Variants in PTPRD observed in about 807,000 individuals in gnomAD.
The protein encoded by PTPRD is receptor-type tyrosine-protein phosphatase delta.
Under a neutral mutation model 214.5 loss-of-function variants are expected in PTPRD, and 34 were observed. That is an observed-to-expected ratio of 0.16 (90% CI 0.12 to 0.21). The LOEUF (loss-of-function observed/expected upper bound fraction) is 0.21. Ranked by LOEUF, PTPRD falls within the 10% of genes least tolerant of loss-of-function variation. The pLI is 1.00. For synonymous variants in PTPRD, 1,128 were observed against 845.7 expected (o/e 1.33, Z -5.79); for missense variants, 2,545 against 2,398.7 (o/e 1.06, Z -1.27).
intron 39 of PTPRD, among the ~76,000 whole-genome samples, chr9:8,375,265 A>T (rs2082873332): frequency 6.6e-6 from 1 of 152,002 alleles, no homozygotes; most frequent in Non-Finnish European, 1.5e-5. Flanking sequence ...ATAAACATTT[A>T]TATATATCGC....
chr9:9,297,309 C>G (rs1953454260), intron 9 of PTPRD, among the ~76,000 whole-genome samples: 1 of 151,504 alleles, frequency 6.6e-6, no homozygotes, highest in South Asian at 2.1e-4. Context: ...CCAGAAAATA[C>G]AGAGACAGAG....
At chr9:9,273,037 A>G (rs940276436) in intron 9 of PTPRD, among the ~76,000 whole-genome samples, 2 of 151,456 alleles carry the variant, frequency 1.3e-5, no homozygotes, top group South Asian at 2.1e-4. Flanking sequence ...ATGAAAATCA[A>G]TGTGGAGCAG....
At chr9:9,825,169 T>C (rs2052296673) in intron 5 of PTPRD, among the ~76,000 whole-genome samples, 1 of 152,040 alleles carries the variant, frequency 6.6e-6, no homozygotes, top group African/African-American at 2.4e-5. Context: ...TCTGCCATTT[T>C]GTTTCTTCTC....
chr9:8,331,437 GAA>G (rs1491580720), intron 44 of PTPRD, 143 bp downstream of exon 44: 3 of 964,516 alleles, frequency 3.1e-6, no homozygotes, highest in Non-Finnish European at 4.4e-6. Context: ...TTTATGAAAA[GAA>G]AGAGAAATCA....
rs1280019701 is a variant in PTPRD at position 9,152,112 on chromosome 9, G to A, written c.-143+31192C>T. ...TGGAATCTTCTGTGTCATTGCATTG[G>A]GTACGAATGAAGAGCTGGTCACTGG... is the stretch of plus-strand genomic sequence containing the variant. On this transcript the variant is annotated intron_variant, in intron 10 of 45. Transcript: ENST00000381196. 3.9e-5 allele frequency among the ~76,000 whole-genome samples: 6 copies of A among 152,116 alleles called. 1 individual carries two copies. The highest frequency in any genetic ancestry group is 3.3e-4 in the Admixed American group (5 of 15,278).
chr9:8,981,823 A>C (rs933738728), intron 11 of PTPRD, among the ~76,000 whole-genome samples: 2 of 152,068 alleles, frequency 1.3e-5, no homozygotes, highest in African/African-American at 4.8e-5. Context: ...AATTTTCTAC[A>C]AATTTGGAAA....
At chr9:10,006,811 C>T (rs1567048738) in intron 4 of PTPRD, among the ~76,000 whole-genome samples, 2 of 152,020 alleles carry the variant, frequency 1.3e-5, no homozygotes, top group Non-Finnish European at 2.9e-5. Flanking sequence ...ATTCTATTGA[C>T]AACTTTCTTC....
intron 5 of PTPRD, among the ~76,000 whole-genome samples, chr9:9,835,870 T>C (rs1161514913): frequency 1.3e-5 from 2 of 151,960 alleles, no homozygotes; most frequent in African/African-American, 2.4e-5. Context: ...TTATGGAGAG[T>C]AGTCAATCAT....
chr9:10,047,337 T>TGTGTGC (rs1491445418), intron 3 of PTPRD, among the ~76,000 whole-genome samples: 1 of 144,176 alleles, frequency 6.9e-6, no homozygotes, highest in African/African-American at 2.5e-5. Flanking sequence ...TGTGTGTGTG[T>TGTGTGC]GCGTGTGTGT....
chr9:10,118,867 A>AAAAT (rs144204787), intron 3 of PTPRD, among the ~76,000 whole-genome samples: 9,105 of 143,638 alleles, frequency 0.063, 472 homozygotes, highest in African/African-American at 0.13. Context: ...AAATACACCA[A>AAAAT]AAATAAATAA....
At position 9,726,804 on chromosome 9, in the gene PTPRD, T is replaced by C. The variant is rs563680495; in HGVS notation, c.-287+7729A>G. The stretch of plus-strand genomic sequence containing the variant: ...CAGGCAAAGTGGAAATATTCTCTTA[T>C]TACAAATAAGGGAGGAGAATGAAAA... On this transcript the variant is annotated intron_variant, in intron 7 of 45. Coordinates refer to ENST00000381196, the MANE Select transcript of PTPRD (RefSeq NM_002839.4). Among the ~76,000 whole-genome samples the C allele has an allele frequency of 2.6e-5, 4 of 152,276 alleles. No individual in the cohort carries two copies. The East Asian group carries it at 7.7e-4, about 29-fold the overall frequency.
intron 11 of PTPRD, among the ~76,000 whole-genome samples, chr9:8,918,656 G>C (rs1363497018): frequency 3.3e-5 from 5 of 152,044 alleles, no homozygotes; most frequent in Admixed American, 2.6e-4. Flanking sequence ...TCCTTCTCTG[G>C]ATGCATAAAA....
At chr9:9,413,377 G>T (rs2076105084) in intron 8 of PTPRD, among the ~76,000 whole-genome samples, 1 of 151,150 alleles carries the variant, frequency 6.6e-6, no homozygotes. Context: ...GCCTCCCAAA[G>T]TGCTGGGATT....
At chr9:10,206,756 C>G (rs1324751686) in intron 3 of PTPRD, among the ~76,000 whole-genome samples, 1 of 152,026 alleles carries the variant, frequency 6.6e-6, no homozygotes, top group Non-Finnish European at 1.5e-5. Context: ...AGGTCCTGAT[C>G]ATAGCAGAAA....
At chr9:9,517,459 A>C (rs540001588) in intron 8 of PTPRD, among the ~76,000 whole-genome samples, 1 of 152,220 alleles carries the variant, frequency 6.6e-6, no homozygotes, top group East Asian at 1.9e-4. Context: ...GAGTTAATTA[A>C]AGATGGCCCC....
intron 5 of PTPRD, among the ~76,000 whole-genome samples, chr9:9,909,360 C>A (rs1231882752): frequency 7.3e-6 from 1 of 137,860 alleles, no homozygotes. Context: ...ATTTAACTAA[C>A]AAGATTGCTG....
intron 6 of PTPRD, among the ~76,000 whole-genome samples, chr9:9,737,132 C>G (rs1412274531): frequency 1.3e-5 from 2 of 151,942 alleles, no homozygotes; most frequent in African/African-American, 4.8e-5. Flanking sequence ...ATTGGTCCAG[C>G]AAAATTTATT....
intron 11 of PTPRD, among the ~76,000 whole-genome samples, chr9:8,753,768 T>C (rs767347308): frequency 2.0e-5 from 3 of 152,212 alleles, no homozygotes; most frequent in Non-Finnish European, 4.4e-5. Context: ...AAGATTTCTA[T>C]GCAGAAAATT....
intron 26 of PTPRD, among the ~76,000 whole-genome samples, chr9:8,495,489 A>T (rs993099023): frequency 4.6e-5 from 7 of 152,110 alleles, no homozygotes; most frequent in African/African-American, 1.4e-4. Flanking sequence ...TAATCTATCC[A>T]CTAAGTCACT....
Sources: allele counts gnomAD v4.1 joint callset (sites outside exome capture counted in the v4.1 genomes callset), GRCh38; gene constraint gnomAD v4.1.1; transcripts MANE v1.5; gene names NCBI Gene and HGNC (gene_info 2026-07-23, HGNC 2026-07-21).